Variants in CCDC178 observed in about 807,000 individuals in gnomAD.
The protein encoded by CCDC178 is coiled-coil domain containing 178, also known as coiled-coil domain-containing protein 178.
A neutral mutation model predicts 117.4 loss-of-function variants in CCDC178; 126 were observed. That is an observed-to-expected ratio of 1.07 (90% CI 0.93 to 1.24). The LOEUF (loss-of-function observed/expected upper bound fraction) is 1.24, where lower values mean the gene tolerates loss of function less well. Among genes scored for constraint, CCDC178 ranks in the 50% most tolerant of loss-of-function variants. CCDC178 has a pLI of 0.00. For missense variants in CCDC178, 1,030 were observed against 986.9 expected (o/e 1.04, Z -0.59); for synonymous variants, 283 against 313.4 (o/e 0.90, Z 1.02).
At chr18:33,147,465 G>C (rs449400) in intron 20 of CCDC178, among the ~76,000 whole-genome samples, 1 of 149,588 alleles carries the variant, frequency 6.7e-6, no homozygotes, top group Non-Finnish European at 1.5e-5. Context: ...AAGGTCAGCA[G>C]ATAAACATGT....
chr18:33,277,147 T>C (rs2144806634), intron 12 of CCDC178, among the ~76,000 whole-genome samples: 1 of 152,162 alleles, frequency 6.6e-6, no homozygotes, highest in East Asian at 1.9e-4. Context: ...GGCATAAGAA[T>C]TAATAAAAAT....
At chr18:33,171,730 A>T (rs2058602143) in intron 20 of CCDC178, among the ~76,000 whole-genome samples, 1 of 152,188 alleles carries the variant, frequency 6.6e-6, no homozygotes, top group Admixed American at 6.5e-5. Context: ...GTGTCTCTGC[A>T]TAGAGAGGAG....
chr18:33,006,362 GACA>G (rs1371035383), intron 21 of CCDC178, among the ~76,000 whole-genome samples: 1 of 152,032 alleles, frequency 6.6e-6, no homozygotes, highest in Non-Finnish European at 1.5e-5. Context: ...GGCAATGTAT[GACA>G]ACAATTTTTG....
intron 7 of CCDC178, among the ~76,000 whole-genome samples, chr18:33,354,885 C>T (rs1384476918): frequency 2.0e-5 from 3 of 152,158 alleles, no homozygotes; most frequent in Non-Finnish European, 4.4e-5. Flanking sequence ...GTTGGGATTA[C>T]AGGCATGAGC....
chr18:33,028,913 TTTTG>T (rs965868911), intron 21 of CCDC178, among the ~76,000 whole-genome samples: 51 of 151,962 alleles, frequency 3.4e-4, no homozygotes, highest in African/African-American at 1.2e-3. Context: ...TGGTGTTGGA[TTTTG>T]TTTGTTTGTA....
At chr18:33,078,148 G>A (rs570884545) in intron 21 of CCDC178, among the ~76,000 whole-genome samples, 75 of 152,052 alleles carry the variant, frequency 4.9e-4, no homozygotes, top group Non-Finnish European at 7.5e-4. Flanking sequence ...ATCAGTAAAT[G>A]TGACTCATGC....
intron 21 of CCDC178, among the ~76,000 whole-genome samples, chr18:33,033,822 T>C (rs1315914746): frequency 6.6e-6 from 1 of 152,010 alleles, no homozygotes; most frequent in Non-Finnish European, 1.5e-5. Flanking sequence ...ACCTTACTTA[T>C]CCCACTATTT....
chr18:33,093,889 G>A (rs978119908), intron 20 of CCDC178, among the ~76,000 whole-genome samples: 2 of 151,882 alleles, frequency 1.3e-5, no homozygotes, highest in Non-Finnish European at 2.9e-5. Flanking sequence ...TCATGATGAC[G>A]ATAATGATGA....
At chr18:33,325,321 C>T (rs1000449282) in intron 10 of CCDC178, among the ~76,000 whole-genome samples, 2 of 151,790 alleles carry the variant, frequency 1.3e-5, no homozygotes, top group Non-Finnish European at 2.9e-5. Context: ...AAATTATATA[C>T]CTAGATTTTC....
At chr18:32,950,467 T>G (rs1361420444) in intron 22 of CCDC178, among the ~76,000 whole-genome samples, 1 of 152,216 alleles carries the variant, frequency 6.6e-6, no homozygotes, top group Non-Finnish European at 1.5e-5. Context: ...CAGTGATTGG[T>G]TATTTTAGGC....
At chr18:33,383,657 G>C (rs1465678563) in intron 5 of CCDC178, among the ~76,000 whole-genome samples, 3 of 151,898 alleles carry the variant, frequency 2.0e-5, no homozygotes, top group Non-Finnish European at 4.4e-5. Flanking sequence ...CAAACAAAAA[G>C]CAAAAACAAC....
At chr18:33,040,341 A>C (rs1355086721) in intron 21 of CCDC178, among the ~76,000 whole-genome samples, 1 of 151,992 alleles carries the variant, frequency 6.6e-6, no homozygotes, top group Non-Finnish European at 1.5e-5. Flanking sequence ...AAATGATCTA[A>C]AAGAAAGTGA....
chr18:32,974,400 A>G, intron 22 of CCDC178, 147 bp downstream of exon 22: 1 of 692,472 alleles, frequency 1.4e-6, no homozygotes, highest in Non-Finnish European at 2.4e-6. Context: ...TACTGAATTC[A>G]TTCTTCATGC....
At chr18:32,985,938 T>C (rs2055253246) in intron 21 of CCDC178, among the ~76,000 whole-genome samples, 1 of 152,082 alleles carries the variant, frequency 6.6e-6, no homozygotes, top group Non-Finnish European at 1.5e-5. Flanking sequence ...AAGGAACAAG[T>C]ATAGTTCTAC....
chr18:32,965,305 C>T (rs968768304), intron 22 of CCDC178, among the ~76,000 whole-genome samples: 1 of 151,860 alleles, frequency 6.6e-6, no homozygotes, highest in African/African-American at 2.4e-5. Context: ...AAACACACAA[C>T]TGAAATATAG....
chr18:33,312,634 C>T (rs1240068587), intron 11 of CCDC178, among the ~76,000 whole-genome samples: 1 of 152,160 alleles, frequency 6.6e-6, no homozygotes, highest in African/African-American at 2.4e-5. Flanking sequence ...GCCACCTTGC[C>T]TTTGATCTGT....
intron 10 of CCDC178, among the ~76,000 whole-genome samples, chr18:33,331,026 C>CTTTGTTTTTTTTTTTTTTTT (rs2062660658): frequency 2.2e-5 from 1 of 45,060 alleles, no homozygotes; most frequent in African/African-American, 1.3e-4. Context: ...ACAAACATTG[C>CTTTGTTTTTTTTTTTTTTTT]TTTTTTTTTT....
At chr18:33,430,895 A>C (rs1355697729) in intron 2 of CCDC178, among the ~76,000 whole-genome samples, 2 of 150,550 alleles carry the variant, frequency 1.3e-5, no homozygotes, top group Non-Finnish European at 3.0e-5. Context: ...ACATGGTGAA[A>C]CCCCATCTCT....
chr18:33,313,211 T>C (rs541841093), intron 11 of CCDC178, among the ~76,000 whole-genome samples: 1 of 152,334 alleles, frequency 6.6e-6, no homozygotes, highest in African/African-American at 2.4e-5. Context: ...AAGGGGCATG[T>C]TAACCTTTGT....
Sources: gnomAD v4.1 joint callset for allele counts (sites outside exome capture counted in the v4.1 genomes callset) on GRCh38, gnomAD v4.1.1 for gene constraint, MANE v1.5 for transcripts, NCBI Gene and HGNC (gene_info 2026-07-23, HGNC 2026-07-21) for gene names.